GALNT14: variants seen among roughly 807,000 people sequenced by gnomAD.
The protein encoded by GALNT14 is polypeptide N-acetylgalactosaminyltransferase 14.
A neutral mutation model predicts 77.5 loss-of-function variants in GALNT14; 60 were observed. That is an observed-to-expected ratio of 0.77 (90% CI 0.63 to 0.96). The LOEUF is 0.96. GALNT14 is among the 40% of genes least tolerant of loss of function. GALNT14 has a pLI of 0.00. For missense variants in GALNT14, 710 were observed against 731.0 expected (o/e 0.97, Z 0.33); for synonymous variants, 280 against 281.7 (o/e 0.99, Z 0.06).
chr2:30,963,211 C>T (rs1472390076), intron 3 of GALNT14, among the ~76,000 whole-genome samples: 1 of 152,154 alleles, frequency 6.6e-6, no homozygotes, highest in Non-Finnish European at 1.5e-5. Flanking sequence ...AAGAACCCTC[C>T]CAGAGTGCAG....
At chr2:30,914,653 G>A (rs528061698) in intron 13 of GALNT14, among the ~76,000 whole-genome samples, 3 of 152,254 alleles carry the variant, frequency 2.0e-5, no homozygotes, top group South Asian at 2.1e-4. Flanking sequence ...GAGCCGCCCC[G>A]CCTTTTTCTT....
intron 1 of GALNT14, among the ~76,000 whole-genome samples, chr2:31,083,695 G>A (rs1249639667): frequency 1.3e-5 from 2 of 152,198 alleles, no homozygotes; most frequent in East Asian, 3.8e-4. Context: ...CTCCTTGGAC[G>A]TGTCTTTGTG....
chr2:31,013,280 T>A (rs1403217669), intron 1 of GALNT14, among the ~76,000 whole-genome samples: 2 of 151,980 alleles, frequency 1.3e-5, no homozygotes, highest in Non-Finnish European at 2.9e-5. Flanking sequence ...AATAAAAACC[T>A]CCTGAGATGA....
intron 1 of GALNT14, among the ~76,000 whole-genome samples, chr2:31,017,229 C>T (rs1262697654): frequency 1.3e-5 from 2 of 152,188 alleles, no homozygotes; most frequent in African/African-American, 4.8e-5. Context: ...TGGCCCCTGG[C>T]CCCTTGCAAG....
At chr2:31,078,090 G>A (rs1675913945) in intron 1 of GALNT14, among the ~76,000 whole-genome samples, 1 of 152,198 alleles carries the variant, frequency 6.6e-6, no homozygotes, top group African/African-American at 2.4e-5. Context: ...ATGGAAAGAG[G>A]CAAAGGTGAT....
At chr2:30,952,313 A>G (rs1376781901) in intron 6 of GALNT14, among the ~76,000 whole-genome samples, 13 of 152,078 alleles carry the variant, frequency 8.5e-5, no homozygotes, top group Admixed American at 8.5e-4. Flanking sequence ...ATGCACACGT[A>G]TGTTTATTGC....
chr2:30,994,902 C>T (rs1211449544), intron 1 of GALNT14, among the ~76,000 whole-genome samples: 1 of 152,052 alleles, frequency 6.6e-6, no homozygotes, highest in Non-Finnish European at 1.5e-5. Context: ...TAACACACCG[C>T]AAAGTGAGTT....
intron 1 of GALNT14, among the ~76,000 whole-genome samples, chr2:31,100,905 C>T (rs1238490130): frequency 6.6e-6 from 1 of 151,998 alleles, no homozygotes; most frequent in African/African-American, 2.4e-5. Flanking sequence ...AATCATCTAA[C>T]ACAAACCCTA....
At chr2:31,110,875 GC>G (rs1255211992) in intron 1 of GALNT14, among the ~76,000 whole-genome samples, 1 of 152,114 alleles carries the variant, frequency 6.6e-6, no homozygotes, top group African/African-American at 2.4e-5. Context: ...ATTTTTTAAA[GC>G]TATAACTCAT....
At chr2:31,110,595 C>G (rs770360791) in intron 1 of GALNT14, among the ~76,000 whole-genome samples, 6 of 152,186 alleles carry the variant, frequency 3.9e-5, no homozygotes, top group Non-Finnish European at 8.8e-5. Context: ...TTCCTATGTC[C>G]TTCCCTGACC....
chr2:31,025,679 G>A (rs1160623423), intron 1 of GALNT14, among the ~76,000 whole-genome samples: 2 of 152,184 alleles, frequency 1.3e-5, no homozygotes, highest in African/African-American at 2.4e-5. Flanking sequence ...AGGTGGCAAT[G>A]AGAGGGCAAG....
chr2:31,105,707 A>G (rs1252130049), intron 1 of GALNT14, among the ~76,000 whole-genome samples: 1 of 152,108 alleles, frequency 6.6e-6, no homozygotes. Flanking sequence ...TCTGAGTGAC[A>G]GAACAAGACC....
chr2:31,111,062 AAAC>A (rs2148625440), intron 1 of GALNT14, among the ~76,000 whole-genome samples: 1 of 152,296 alleles, frequency 6.6e-6, no homozygotes, highest in South Asian at 2.1e-4. Flanking sequence ...AGAGGATTTA[AAAC>A]AACAGGCACT....
Position 30,942,323 on chromosome 2 carries a change from AAG to A in GALNT14, c.828-21_828-20del, listed in dbSNP as rs1294364840. On this transcript the variant is annotated intron_variant, in intron 8 of 14. Coordinates refer to ENST00000349752, the MANE Select transcript of GALNT14 (RefSeq NM_024572.4). ...AGGAGTCCTGTGCATTTGGAAGAAAAAGAGAGGGGATCAGTTCTAGTGGGGAG... is the reference window on the plus strand; with the variant it reads ...AGGAGTCCTGTGCATTTGGAAGAAAAAGAGGGGATCAGTTCTAGTGGGGAG... 6 of 1,581,140 alleles carry A rather than the reference AAG, an allele frequency of 3.8e-6. No individual in the cohort carries two copies. The highest frequency in any genetic ancestry group is 5.2e-6 in the Non-Finnish European group (6 of 1,150,560).
intron 1 of GALNT14, among the ~76,000 whole-genome samples, chr2:31,076,629 A>ATATATATATATATATATTT (rs1553373502): frequency 2.9e-5 from 3 of 101,912 alleles, no homozygotes; most frequent in Admixed American, 9.8e-5. Context: ...ATATATATAT[A>ATATATATATATATATATTT]TTTTTTTTTT....
chr2:31,099,609 T>A (rs762430576), intron 1 of GALNT14, among the ~76,000 whole-genome samples: 2 of 152,100 alleles, frequency 1.3e-5, no homozygotes, highest in Non-Finnish European at 2.9e-5. Context: ...AATTTTATTT[T>A]CACCCACAGG....
chr2:31,097,469 A>C (rs372194101), intron 1 of GALNT14, among the ~76,000 whole-genome samples: 266 of 152,062 alleles, frequency 1.7e-3, no homozygotes, highest in African/African-American at 6.1e-3. Context: ...GTGAGATATG[A>C]AGGCAAGGCA....
intron 1 of GALNT14, among the ~76,000 whole-genome samples, chr2:31,120,155 CAAAA>C (rs753835346): frequency 1.6e-4 from 11 of 66,798 alleles, no homozygotes; most frequent in African/African-American, 5.9e-4. Flanking sequence ...GACTCCGTCT[CAAAA>C]AAAAAAAAAA....
chr2:31,035,839 T>C (rs1251053716), intron 1 of GALNT14, among the ~76,000 whole-genome samples: 2 of 151,784 alleles, frequency 1.3e-5, no homozygotes, highest in East Asian at 1.9e-4. Context: ...AGGGTAACAA[T>C]AGACACTGGG....
Sources: gnomAD v4.1 joint callset for allele counts (sites outside exome capture counted in the v4.1 genomes callset) on GRCh38, gnomAD v4.1.1 for gene constraint, MANE v1.5 for transcripts, NCBI Gene and HGNC (gene_info 2026-07-23, HGNC 2026-07-21) for gene names.